Variants in ADAMTS16 observed in about 807,000 individuals in gnomAD.
ADAMTS16 encodes A disintegrin and metalloproteinase with thrombospondin motifs 16.
A neutral mutation model predicts 145.8 loss-of-function variants in ADAMTS16; 94 were observed. The ratio of observed to expected loss-of-function variants is 0.64; its 90% CI spans 0.55 to 0.77. ADAMTS16 has a LOEUF of 0.77. ADAMTS16 is among the 30% of genes least tolerant of loss of function. The probability of loss-of-function intolerance (pLI) is 0.00; values close to 1 mark genes in which losing one functional copy is unlikely to be tolerated. For missense variants in ADAMTS16, 1,585 were observed against 1,591.5 expected (o/e 1.00, Z 0.07); for synonymous variants, 659 against 604.3 (o/e 1.09, Z -1.33).
intron 17 of ADAMTS16, among the ~76,000 whole-genome samples, chr5:5,252,165 C>A (rs1737650552): frequency 6.6e-6 from 1 of 152,144 alleles, no homozygotes; most frequent in African/African-American, 2.4e-5. Flanking sequence ...GCTTTTAATA[C>A]TACATCCCCG....
intron 17 of ADAMTS16, among the ~76,000 whole-genome samples, chr5:5,257,777 A>G (rs1737843543): frequency 6.6e-6 from 1 of 152,300 alleles, no homozygotes; most frequent in East Asian, 1.9e-4. Context: ...TGGAATTAGC[A>G]TCAGACTCCA....
chr5:5,234,173 A>G (rs1476300536), intron 12 of ADAMTS16, among the ~76,000 whole-genome samples: 1 of 152,228 alleles, frequency 6.6e-6, no homozygotes, highest in African/African-American at 2.4e-5. Context: ...CGCTGCCCGC[A>G]TTACCAGTGT....
intron 10 of ADAMTS16, among the ~76,000 whole-genome samples, chr5:5,213,844 A>G (rs1043027030): frequency 6.6e-6 from 1 of 152,214 alleles, no homozygotes; most frequent in African/African-American, 2.4e-5. Context: ...CTGCTAGGAC[A>G]CCTGGAATCT....
At chr5:5,141,116 G>A (rs557503169) in intron 2 of ADAMTS16, among the ~76,000 whole-genome samples, 6 of 152,124 alleles carry the variant, frequency 3.9e-5, no homozygotes, top group Admixed American at 2.6e-4. Flanking sequence ...TTTCTTTTCC[G>A]TCCCCTTCTA....
At chr5:5,222,077 T>C (rs775162749) in intron 10 of ADAMTS16, among the ~76,000 whole-genome samples, 9 of 152,242 alleles carry the variant, frequency 5.9e-5, no homozygotes, top group African/African-American at 9.6e-5. Context: ...AGACATTCCT[T>C]TGGACTCAGT....
At chr5:5,143,303 CA>C (rs1734213190) in intron 2 of ADAMTS16, among the ~76,000 whole-genome samples, 1 of 151,998 alleles carries the variant, frequency 6.6e-6, no homozygotes, top group Admixed American at 6.5e-5. Flanking sequence ...ACAACCCCAT[CA>C]AAAAATGGGT....
chr5:5,313,813 A>G (rs1388645500), intron 21 of ADAMTS16, among the ~76,000 whole-genome samples: 1 of 152,216 alleles, frequency 6.6e-6, no homozygotes, highest in Admixed American at 6.5e-5. Context: ...GTGCATGGAG[A>G]TCTCAACCGA....
At chr5:5,273,575 A>C (rs1417293187) in intron 18 of ADAMTS16, among the ~76,000 whole-genome samples, 1 of 152,248 alleles carries the variant, frequency 6.6e-6, no homozygotes, top group Non-Finnish European at 1.5e-5. Context: ...GTTCAGCTAC[A>C]GTGTGACGTC....
intron 5 of ADAMTS16, 47 bp downstream of exon 5, chr5:5,186,298 T>TTG: frequency 7.4e-7 from 1 of 1,344,984 alleles, no homozygotes; most frequent in Non-Finnish European, 1.0e-6. Flanking sequence ...TTGCACTTCG[T>TTG]AGGGTGTGTG....
chr5:5,231,606 C>CT (rs1262479269), intron 11 of ADAMTS16, among the ~76,000 whole-genome samples: 1 of 152,168 alleles, frequency 6.6e-6, no homozygotes, highest in African/African-American at 2.4e-5. Context: ...CAGTCTGGAC[C>CT]TTTAAAATCT....
At chr5:5,242,244 T>C in intron 17 of ADAMTS16, 53 bp downstream of exon 17, 1 of 1,598,902 alleles carries the variant, frequency 6.3e-7, no homozygotes. Context: ...CTTCAGCCAC[T>C]GCGTACATTG....
chr5:5,295,150 C>A (rs911220662), intron 18 of ADAMTS16, among the ~76,000 whole-genome samples: 22 of 152,196 alleles, frequency 1.4e-4, no homozygotes, highest in Non-Finnish European at 2.1e-4. Flanking sequence ...TGGATTATTT[C>A]ATAAAACATG....
chr5:5,260,725 G>T (rs751529307), intron 17 of ADAMTS16, among the ~76,000 whole-genome samples: 1 of 152,196 alleles, frequency 6.6e-6, no homozygotes, highest in South Asian at 2.1e-4. Context: ...ATACTGTACG[G>T]AGTGCAACTT....
At position 5,239,253 on chromosome 5, in the gene ADAMTS16, A is replaced by G. The variant is rs752177133; in HGVS notation, c.2257A>G (p.Thr753Ala). The change falls in exon 15 of 23, where the codon ACC becomes GCC. Residue 753 changes from threonine to alanine, a missense_variant. Coordinates refer to ENST00000274181, the MANE Select transcript of ADAMTS16 (RefSeq NM_139056.4). ...CTGCACGATTCACAGGGGTCTCTAC[A>G]CCAAGCACCACCACACCAACCGTGA... ...SACTIHRGLY[T>A]KHHHTNQYYH... 1.6e-5 allele frequency: 26 copies of G among 1,585,668 alleles called. 1 individual carries two copies. The South Asian group carries it at 3.0e-4, about 18-fold the overall frequency.
chr5:5,283,341 G>A (rs1487686110), intron 18 of ADAMTS16, among the ~76,000 whole-genome samples: 1 of 152,086 alleles, frequency 6.6e-6, no homozygotes, highest in African/African-American at 2.4e-5. Flanking sequence ...TTTTGCTCAT[G>A]GCTTTTCTCC....
At chr5:5,147,794 G>A (rs1734343159) in intron 3 of ADAMTS16, among the ~76,000 whole-genome samples, 2 of 152,218 alleles carry the variant, frequency 1.3e-5, no homozygotes, top group South Asian at 4.1e-4. Flanking sequence ...AGAAATGGAA[G>A]CCATCTGTGT....
At chr5:5,270,055 T>C (rs1406709589) in intron 18 of ADAMTS16, among the ~76,000 whole-genome samples, 1 of 152,170 alleles carries the variant, frequency 6.6e-6, no homozygotes, top group African/African-American at 2.4e-5. Flanking sequence ...ATGTTCATAT[T>C]GCCCTCTGAA....
intron 21 of ADAMTS16, among the ~76,000 whole-genome samples, chr5:5,316,391 T>C (rs1472649509): frequency 6.6e-6 from 1 of 152,212 alleles, no homozygotes; most frequent in African/African-American, 2.4e-5. Flanking sequence ...TTTAATTGCT[T>C]ACATTTCCAA....
chr5:5,218,407 A>G (rs1736495535), intron 10 of ADAMTS16, among the ~76,000 whole-genome samples: 1 of 152,134 alleles, frequency 6.6e-6, no homozygotes, highest in Non-Finnish European at 1.5e-5. Context: ...GCACGCAGAC[A>G]GGCAGGTACA....
Sources: allele counts gnomAD v4.1 joint callset (sites outside exome capture counted in the v4.1 genomes callset), GRCh38; gene constraint gnomAD v4.1.1; transcripts MANE v1.5; gene names NCBI Gene and HGNC (gene_info 2026-07-23, HGNC 2026-07-21).